Variants in SPATS2L observed in about 807,000 individuals in gnomAD.
SPATS2L encodes the protein spermatogenesis associated serine rich 2 like, also known as SPATS2-like protein.
Under a neutral mutation model 59.6 loss-of-function variants are expected in SPATS2L, and 30 were observed. That is an observed-to-expected ratio of 0.50 (90% CI 0.38 to 0.68). The LOEUF (loss-of-function observed/expected upper bound fraction) is 0.68. Ranked by LOEUF, SPATS2L falls within the 30% of genes least tolerant of loss-of-function variation. The pLI is 0.00. For synonymous variants in SPATS2L, 252 were observed against 263.5 expected (o/e 0.96, Z 0.42); for missense variants, 615 against 700.0 (o/e 0.88, Z 1.37).
At chr2:200,427,848 T>C (rs1053614520) in intron 6 of SPATS2L, among the ~76,000 whole-genome samples, 3 of 152,098 alleles carry the variant, frequency 2.0e-5, no homozygotes, top group Admixed American at 1.3e-4. Context: ...AATCAAAGTA[T>C]ATAATAATTA....
At chr2:200,315,509 A>T (rs1162392732) in intron 1 of SPATS2L, among the ~76,000 whole-genome samples, 1 of 152,110 alleles carries the variant, frequency 6.6e-6, no homozygotes, top group Non-Finnish European at 1.5e-5. Context: ...GAGATTCCCC[A>T]TCCTGCCGTT....
chr2:200,472,785 C>T, intron 11 of SPATS2L, 47 bp from the exon 12 acceptor site: 1 of 1,517,098 alleles, frequency 6.6e-7, no homozygotes. Flanking sequence ...ACTGAGGCAG[C>T]AGTGTTGGAG....
At chr2:200,361,653 T>G (rs1054339331) in intron 2 of SPATS2L, among the ~76,000 whole-genome samples, 3 of 152,226 alleles carry the variant, frequency 2.0e-5, no homozygotes, top group African/African-American at 7.2e-5. Flanking sequence ...AGTTGACCGC[T>G]AGATTTACAA....
At chr2:200,345,235 T>G (rs1166188588) in intron 2 of SPATS2L, among the ~76,000 whole-genome samples, 2 of 152,170 alleles carry the variant, frequency 1.3e-5, no homozygotes, top group Non-Finnish European at 2.9e-5. Flanking sequence ...CCATCTTGAG[T>G]TGATTTTTAT....
At chr2:200,465,144 G>A (rs1481134218) in intron 9 of SPATS2L, among the ~76,000 whole-genome samples, 4 of 152,188 alleles carry the variant, frequency 2.6e-5, no homozygotes, top group South Asian at 2.1e-4. Flanking sequence ...GGAGATGCTC[G>A]CAGGAAACAG....
intron 3 of SPATS2L, among the ~76,000 whole-genome samples, chr2:200,409,196 C>T (rs2082789715): frequency 6.6e-6 from 1 of 152,220 alleles, no homozygotes; most frequent in South Asian, 2.1e-4. Flanking sequence ...TATGAGTTCT[C>T]CGTATGCAAA....
At chr2:200,471,445 G>T (rs974618209) in intron 11 of SPATS2L, among the ~76,000 whole-genome samples, 2 of 151,714 alleles carry the variant, frequency 1.3e-5, no homozygotes, top group Non-Finnish European at 2.9e-5. Context: ...CGATGGAGAG[G>T]TGCCCCTTCA....
chr2:200,370,118 G>A (rs1438788552), intron 2 of SPATS2L, among the ~76,000 whole-genome samples: 1 of 152,232 alleles, frequency 6.6e-6, no homozygotes, highest in African/African-American at 2.4e-5. Flanking sequence ...TCAGTCATCT[G>A]TGAGAATGGC....
At chr2:200,474,835 G>A (rs915832691) in intron 12 of SPATS2L, among the ~76,000 whole-genome samples, 4 of 152,088 alleles carry the variant, frequency 2.6e-5, no homozygotes, top group South Asian at 2.1e-4. Flanking sequence ...CCCTTGGACC[G>A]GGCCCTGTGT....
In SPATS2L at chr2:200,477,748, G is replaced by A; in HGVS notation, c.1394G>A (p.Gly465Asp). The change falls in exon 13 of 13, where the codon GGC becomes GAC. Residue 465 changes from glycine (G) to aspartate (D), a missense_variant. Physicochemically the swap from Gly to Asp is moderately conservative, Grantham distance 94. Around this residue, in one of 3 missense-constraint regions of SPATS2L, gnomAD observed 284 missense variants for 280.1 expected, o/e 1.01. Transcript: ENST00000409140. Reference protein sequence around the residue: ...SGNEAEPLGKGNSRHEHRRQP... With the variant: ...SGNEAEPLGKDNSRHEHRRQP... ...AATGAAGCCGAGCCACTGGGAAAGGGCAACAGCCGCCACGAACACAGAAGA... is the reference window on the plus strand; with the variant it reads ...AATGAAGCCGAGCCACTGGGAAAGGACAACAGCCGCCACGAACACAGAAGA... 1 of 1,577,950 alleles carries A rather than the reference G, an allele frequency of 6.3e-7. No homozygotes were observed. The highest frequency in any genetic ancestry group is 8.6e-7 in the Non-Finnish European group (1 of 1,161,974).
chr2:200,357,425 A>G (rs887891988), intron 2 of SPATS2L, among the ~76,000 whole-genome samples: 4 of 152,188 alleles, frequency 2.6e-5, no homozygotes, highest in Admixed American at 6.5e-5. Context: ...TGGAGGCTCT[A>G]ACTTTCAGCT....
At position 200,307,804 on chromosome 2, in the gene SPATS2L, A is replaced by G. The variant is rs192226425; in HGVS notation, c.-73+882A>G. Among the ~76,000 whole-genome samples the G allele has an allele frequency of 2.9e-3, 435 of 152,312 alleles. 1 individual carries two copies. The highest frequency in any genetic ancestry group is 0.01 in the African/African-American group (419 of 41,568). ...TGTTTTTGAACTTCACGAGCTTCTC[A>G]TCCCCCCCGCAATCCTGGTTTTAGC... On this transcript the variant is annotated intron_variant, in intron 1 of 12. Transcript: ENST00000409140.
chr2:200,324,573 A>G (rs2079671476), intron 1 of SPATS2L, among the ~76,000 whole-genome samples: 1 of 152,148 alleles, frequency 6.6e-6, no homozygotes, highest in Non-Finnish European at 1.5e-5. Flanking sequence ...CTGTGAGAGG[A>G]ACAAAGGGAA....
At chr2:200,469,659 TCAGA>T (rs2086877373) in intron 10 of SPATS2L, 1 of 420,034 alleles carries the variant, frequency 2.4e-6, no homozygotes, top group Non-Finnish European at 4.3e-6. Flanking sequence ...AATAGATGAG[TCAGA>T]CACACATTTC....
intron 2 of SPATS2L, among the ~76,000 whole-genome samples, chr2:200,360,235 T>G (rs1056368114): frequency 5.3e-5 from 8 of 152,210 alleles, no homozygotes; most frequent in Admixed American, 5.2e-4. Context: ...TATTCTCTTC[T>G]TCAAAAATTG....
chr2:200,411,757 A>AT (rs1261165780), intron 3 of SPATS2L, among the ~76,000 whole-genome samples: 1 of 152,206 alleles, frequency 6.6e-6, no homozygotes, highest in African/African-American at 2.4e-5. Flanking sequence ...GTTCACAAAC[A>AT]TTTTTTGGAC....
chr2:200,388,237 G>A (rs566394522), intron 2 of SPATS2L, among the ~76,000 whole-genome samples: 2 of 152,050 alleles, frequency 1.3e-5, no homozygotes, highest in Admixed American at 6.6e-5. Flanking sequence ...TAGATATGGT[G>A]GTCACCTCCT....
chr2:200,422,940 A>C (rs192312924), intron 6 of SPATS2L, among the ~76,000 whole-genome samples: 1 of 152,200 alleles, frequency 6.6e-6, no homozygotes, highest in African/African-American at 2.4e-5. Context: ...TGATGATGTG[A>C]GATGATAAAA....
intron 6 of SPATS2L, 99 bp downstream of exon 6, chr2:200,419,595 G>T: frequency 7.1e-7 from 1 of 1,402,126 alleles, no homozygotes; most frequent in South Asian, 1.4e-5. Flanking sequence ...AAAATGGAAG[G>T]TTGTTTTTCT....
Sources: gnomAD v4.1 joint callset for allele counts (sites outside exome capture counted in the v4.1 genomes callset) on GRCh38, gnomAD v4.1.1 for gene constraint, gnomAD v4.1.1 regional missense constraint, MANE v1.5 for transcripts, NCBI Gene and HGNC (gene_info 2026-07-23, HGNC 2026-07-21) for gene names.